RACK1: variants seen among roughly 807,000 people sequenced by gnomAD.
The protein encoded by RACK1 is small ribosomal subunit protein RACK1.
RACK1 carries 3 observed loss-of-function variants against 42.2 expected under a neutral mutation model. The ratio of observed to expected loss-of-function variants is 0.07; its 90% CI spans 0.03 to 0.18. The LOEUF (loss-of-function observed/expected upper bound fraction) is 0.18, where lower values mean the gene tolerates loss of function less well. Ranked by LOEUF, RACK1 falls within the 10% of genes least tolerant of loss-of-function variation. The pLI is 1.00. For synonymous variants in RACK1, 181 were observed against 154.8 expected, an observed-to-expected ratio of 1.17 and a Z score of -1.25; for missense variants, 146 against 403.2, an observed-to-expected ratio of 0.36 and a Z score of 5.46.
At position 181,236,938 on chromosome 5, in the gene RACK1, C is replaced by T; in HGVS notation, c.*39G>A. ...AAAAAAAACCTAAAAGTCAGAAAAG[C>T]CAGTTTTTTTTTTATTTGTAAAGCT... On this transcript the variant is annotated 3_prime_UTR_variant, in exon 8 of 8. Coordinates refer to ENST00000512805, the MANE Select transcript of RACK1 (RefSeq NM_006098.5). The T allele has an allele frequency of 6.4e-7, 1 of 1,553,822 alleles. No individual in the cohort carries two copies. Among genetic ancestry groups the T allele is most frequent in the Non-Finnish European group, 8.6e-7 (1 of 1,160,448 alleles).
At position 181,238,798 on chromosome 5, in the gene RACK1, C is replaced by CAA. The variant is rs547878281; in HGVS notation, c.636+267_636+268dup. The CAA allele has an allele frequency of 2.0e-3, 689 of 349,104 alleles. 3 individuals are homozygous for CAA. The highest frequency in any genetic ancestry group is 0.014 in the African/African-American group (590 of 41,732). The allele number at this position is 349,104 out of a possible 1,614,324, so 21.6% of individuals were successfully genotyped here. A position where few individuals can be genotyped will look rare whatever the true frequency, so the allele number is the denominator to read the frequency against. ...TTGGCAGCCGAGTGAGACTCCGTCT[C>CAA]AAAAAAAAAACAAAAAACAAACAAA... On this transcript the variant is annotated intron_variant, in intron 5 of 7. Transcript: ENST00000512805.
At position 181,238,410 on chromosome 5, in the gene RACK1, G is replaced by GT. The variant is rs148390201; in HGVS notation, c.637-172dup. 12 of 631,088 alleles carry GT rather than the reference G, an allele frequency of 1.9e-5. No homozygotes were observed. In the East Asian group the frequency reaches 2.0e-4, roughly 10 times the overall value. The allele number at this position is 631,088 out of a possible 1,614,324, so 39.1% of individuals were successfully genotyped here. ...TATCTCTGTATACCTTTCCTTTAAC[G>GT]TAAGACCTTACCAACCCCATCAAAA... On this transcript the variant is annotated intron_variant, in intron 5 of 7. Transcript: ENST00000512805.
intron 1 of RACK1, chr5:181,242,684 A>G: frequency 2.7e-6 from 1 of 372,720 alleles, no homozygotes; most frequent in South Asian, 2.0e-5. Flanking sequence ...CAGCCTCCCA[A>G]GTAGCTGGGA....
intron 7 of RACK1, chr5:181,237,313 T>C (rs747106411): frequency 2.8e-6 from 2 of 721,558 alleles, no homozygotes; most frequent in Non-Finnish European, 2.5e-6. Context: ...GTGGTGGTTA[T>C]GTATTCCTTG....
intron 1 of RACK1, chr5:181,243,377 C>G: frequency 7.1e-7 from 1 of 1,409,450 alleles, no homozygotes; most frequent in South Asian, 1.1e-5. Context: ...TCATCACCGC[C>G]CCGCCCGGCC....
chr5:181,240,382 C>G (rs1212568465), intron 3 of RACK1: 1 of 153,308 alleles, frequency 6.5e-6, no homozygotes, highest in Non-Finnish European at 1.5e-5. Flanking sequence ...GTGATAAGGC[C>G]GGGCACGGTG....
intron 5 of RACK1, chr5:181,238,777 C>A (rs184354176): frequency 5.1e-6 from 2 of 394,838 alleles, no homozygotes; most frequent in Non-Finnish European, 4.8e-6. Flanking sequence ...CCAGCCTTGG[C>A]AGCCGAGTGA....
At chr5:181,241,751 A>G (rs150391948) in intron 2 of RACK1, 112 bp from the exon 3 acceptor site, 18,957 of 1,200,378 alleles carry the variant, frequency 0.016, 183 homozygotes, top group Non-Finnish European at 0.019. Flanking sequence ...ACAACCCTGG[A>G]TTTGGCTCTG....
chr5:181,238,948 C>T, intron 5 of RACK1, 119 bp downstream of exon 5: 1 of 775,526 alleles, frequency 1.3e-6, no homozygotes, highest in South Asian at 1.4e-5. Flanking sequence ...GCCATTATCT[C>T]ATTATCCTCC....
At chr5:181,238,384 T>TTATC (rs1759215456) in intron 5 of RACK1, 145 bp from the exon 6 acceptor site, 1 of 784,358 alleles carries the variant, frequency 1.3e-6, no homozygotes, top group Admixed American at 2.5e-5. Context: ...GTACCAATAT[T>TTATC]TATCTCTGTA....
intron 7 of RACK1, 163 bp downstream of exon 7, chr5:181,237,446 A>G (rs939847633): frequency 1.5e-6 from 1 of 669,528 alleles, no homozygotes; most frequent in Admixed American, 2.1e-5. Flanking sequence ...GCAGAAACAC[A>G]TTCACTGGCA....
At chr5:181,240,699 AAAT>A (rs1759311066) in intron 3 of RACK1, among the ~76,000 whole-genome samples, 2 of 151,924 alleles carry the variant, frequency 1.3e-5, no homozygotes, top group African/African-American at 4.8e-5. Flanking sequence ...GAAAAAAAAT[AAAT>A]AAAATTTTGT....
intron 4 of RACK1, 48 bp downstream of exon 4, chr5:181,239,439 G>T: frequency 7.4e-7 from 1 of 1,357,210 alleles, no homozygotes; most frequent in South Asian, 1.2e-5. Flanking sequence ...ATGACCACCT[G>T]GGAGCACACC....
chr5:181,242,588 C>T (rs1470359263), intron 1 of RACK1: 13 of 553,502 alleles, frequency 2.3e-5, no homozygotes, highest in African/African-American at 2.1e-4. Flanking sequence ...GATGGAGTCT[C>T]GCTCTGTCGC....
At chr5:181,242,936 T>C in intron 1 of RACK1, 1 of 331,162 alleles carries the variant, frequency 3.0e-6, no homozygotes, top group Non-Finnish European at 5.9e-6. Context: ...AACAGCCACT[T>C]TGTGTCTTCT....
chr5:181,238,921 A>T, intron 5 of RACK1, 146 bp downstream of exon 5: 1 of 740,024 alleles, frequency 1.4e-6, no homozygotes, highest in African/African-American at 1.7e-5. Flanking sequence ...TAATCTTTGG[A>T]AACATATTCT....
intron 1 of RACK1, chr5:181,243,390 T>TA: frequency 7.0e-7 from 1 of 1,427,262 alleles, no homozygotes; most frequent in Non-Finnish European, 9.3e-7. Flanking sequence ...GCCCGGCCCG[T>TA]AGGCCCCCGG....
At position 181,241,553 on chromosome 5, in the gene RACK1, C is replaced by G. The variant is rs1759347134; in HGVS notation, c.368G>C (p.Gly123Ala). Residue 123 changes from glycine to alanine, a missense_variant, in exon 3 of 8, where the codon GGA becomes GCA. By Grantham distance (60) the Gly-to-Ala change is moderately conservative. Transcript: ENST00000512805. ...FSSDNRQIVSGSRDKTIKLWN... is the reference protein window; with the variant it reads ...FSSDNRQIVSASRDKTIKLWN... The stretch of plus-strand genomic sequence containing the variant: ...TAGCTTGATGGTTTTATCTCGAGAT[C>G]CAGAGACAATCTGCCGGTTGTCAGA... 1 of 1,613,898 alleles carries G rather than the reference C, an allele frequency of 6.2e-7. No homozygotes were observed. The highest frequency in any genetic ancestry group is 8.5e-7 in the Non-Finnish European group (1 of 1,179,940).
At chr5:181,238,813 A>G (rs1371539396) in intron 5 of RACK1, 2 of 454,372 alleles carry the variant, frequency 4.4e-6, no homozygotes, top group African/African-American at 5.2e-5. Flanking sequence ...AAAAAACAAA[A>G]AACAAACAAA....
Sources: allele counts gnomAD v4.1 joint callset (sites outside exome capture counted in the v4.1 genomes callset), GRCh38; gene constraint gnomAD v4.1.1; transcripts MANE v1.5; gene names NCBI Gene and HGNC (gene_info 2026-07-23, HGNC 2026-07-21).